Variants in RBMS3 observed in about 807,000 individuals in gnomAD.
The protein encoded by RBMS3 is RNA-binding motif, single-stranded-interacting protein 3.
In RBMS3, 27 loss-of-function variants were observed where a neutral mutation model predicts 66.8. That is an observed-to-expected ratio of 0.40 (90% CI 0.30 to 0.56). The LOEUF (loss-of-function observed/expected upper bound fraction) is 0.56, where lower values mean the gene tolerates loss of function less well. RBMS3 is among the 20% of genes least tolerant of loss of function. RBMS3 has a pLI of 0.40. For missense variants in RBMS3, 513 were observed against 549.5 expected (o/e 0.93, Z 0.66); for synonymous variants, 188 against 183.0 (o/e 1.03, Z -0.22).
At chr3:29,450,843 C>CAA (rs1195589622) in intron 2 of RBMS3, among the ~76,000 whole-genome samples, 1 of 151,588 alleles carries the variant, frequency 6.6e-6, no homozygotes, top group Admixed American at 6.6e-5. Context: ...GTTAGTTTTT[C>CAA]AAAGCAAGTA....
intron 3 of RBMS3, among the ~76,000 whole-genome samples, chr3:29,513,980 C>T (rs542128902): frequency 6.6e-6 from 1 of 152,304 alleles, no homozygotes; most frequent in African/African-American, 2.4e-5. Context: ...CTAAAGCATT[C>T]TCTGCCCTTG....
intron 3 of RBMS3, among the ~76,000 whole-genome samples, chr3:29,504,572 T>G (rs2044108638): frequency 6.7e-6 from 1 of 148,796 alleles, no homozygotes. Context: ...AGATATCTCT[T>G]TGGCATACTG....
intron 6 of RBMS3, among the ~76,000 whole-genome samples, chr3:29,858,202 AT>A (rs144297789): frequency 0.02 from 3,082 of 152,118 alleles, 109 homozygotes; most frequent in African/African-American, 0.071. Flanking sequence ...TCCTTTTTCC[AT>A]TTTTTAATTC....
At chr3:29,760,285 CTA>C (rs1491255031) in intron 5 of RBMS3, among the ~76,000 whole-genome samples, 11 of 147,754 alleles carry the variant, frequency 7.4e-5, no homozygotes, top group East Asian at 2.0e-4. Flanking sequence ...ACACACACCC[CTA>C]CACACACACA....
chr3:29,964,517 C>T (rs533681148), intron 12 of RBMS3, among the ~76,000 whole-genome samples: 61 of 152,184 alleles, frequency 4.0e-4, no homozygotes, highest in Non-Finnish European at 6.2e-4. Context: ...TCTCTTCTCC[C>T]GGGCTTTTCT....
intron 12 of RBMS3, among the ~76,000 whole-genome samples, chr3:29,972,671 A>C (rs996077978): frequency 5.3e-5 from 8 of 152,100 alleles, no homozygotes; most frequent in African/African-American, 1.9e-4. Context: ...GTTTAGTTGC[A>C]TCATTTACTT....
At chr3:29,346,490 G>A (rs771202045) in intron 1 of RBMS3, among the ~76,000 whole-genome samples, 8 of 128,984 alleles carry the variant, frequency 6.2e-5, no homozygotes, top group Non-Finnish European at 1.1e-4. Context: ...TGCAACCTCC[G>A]CCTCCCGGGT....
chr3:29,823,729 G>A (rs2058132734), intron 6 of RBMS3, among the ~76,000 whole-genome samples: 1 of 152,130 alleles, frequency 6.6e-6, no homozygotes, highest in African/African-American at 2.4e-5. Flanking sequence ...AGACAGTACA[G>A]TTCTAGCACA....
chr3:29,866,027 G>A (rs1248871812), intron 6 of RBMS3, among the ~76,000 whole-genome samples: 1 of 135,938 alleles, frequency 7.4e-6, no homozygotes, highest in Admixed American at 8.0e-5. Context: ...AATGATCTAT[G>A]TAAAATGGAA....
chr3:29,598,626 AG>A (rs2048042879), intron 4 of RBMS3, among the ~76,000 whole-genome samples: 1 of 152,052 alleles, frequency 6.6e-6, no homozygotes, highest in Non-Finnish European at 1.5e-5. Context: ...TGTCAAATAT[AG>A]GCATCTGATA....
chr3:29,747,445 GATA>G (rs2054970851), intron 5 of RBMS3, among the ~76,000 whole-genome samples: 9 of 136,324 alleles, frequency 6.6e-5, no homozygotes, highest in African/African-American at 1.4e-4. Context: ...TAGATAGATA[GATA>G]GATGTCAGGT....
At chr3:29,434,986 T>A in intron 2 of RBMS3, 71 bp downstream of exon 2, 1 of 1,470,052 alleles carries the variant, frequency 6.8e-7, no homozygotes, top group South Asian at 1.3e-5. Flanking sequence ...ATGTGTTATT[T>A]CAGTCAATGT....
intron 4 of RBMS3, among the ~76,000 whole-genome samples, chr3:29,708,743 C>A (rs887544442): frequency 2.6e-5 from 4 of 152,134 alleles, no homozygotes; most frequent in Non-Finnish European, 5.9e-5. Context: ...TCTGGTAGAT[C>A]TATTAGGAAT....
At chr3:29,740,603 G>C (rs994629484) in intron 5 of RBMS3, among the ~76,000 whole-genome samples, 17 of 152,330 alleles carry the variant, frequency 1.1e-4, no homozygotes, top group Admixed American at 7.8e-4. Flanking sequence ...AGACCACAGA[G>C]TAAAAGAAAC....
intron 4 of RBMS3, among the ~76,000 whole-genome samples, chr3:29,702,677 C>A (rs1252384307): frequency 6.6e-6 from 1 of 151,944 alleles, no homozygotes; most frequent in East Asian, 1.9e-4. Flanking sequence ...ATGAACAACT[C>A]TGGATGAGAG....
rs115511523 is a variant in RBMS3, at chr3:29,920,016, T to G, written c.940-16070T>G. Among the ~76,000 whole-genome samples the G allele has an allele frequency of 6.2e-3, 948 of 152,298 alleles. 5 individuals are homozygous for G. Among genetic ancestry groups the G allele is most frequent in the African/African-American group, 0.022 (904 of 41,560 alleles). ...AGCCAGTTGTTCCCTTATTGATCTCTCTACTTTTTTTTTAACGTACTTAGG... is the reference window on the plus strand; with the variant it reads ...AGCCAGTTGTTCCCTTATTGATCTCGCTACTTTTTTTTTAACGTACTTAGG... On this transcript the variant is annotated intron_variant, in intron 10 of 14. Transcript: ENST00000383767.
In RBMS3 at chr3:29,853,564, C is replaced by T. The variant is rs13097387; in HGVS notation, c.638-15294C>T. Among the ~76,000 whole-genome samples, 1,122 of 151,890 alleles carry T rather than the reference C, an allele frequency of 7.4e-3. 4 individuals carry two copies. The highest frequency in any genetic ancestry group is 0.012 in the Non-Finnish European group (815 of 67,962). ...TTATATCCTGATCATTGTCCCTCCC[C>T]CTGTGCTCTCAGGCGACAGATGATT... is the stretch of plus-strand genomic sequence containing the variant. On this transcript the variant is annotated intron_variant, in intron 6 of 14. Coordinates refer to ENST00000383767, the MANE Select transcript of RBMS3 (RefSeq NM_001003793.3).
intron 6 of RBMS3, among the ~76,000 whole-genome samples, chr3:29,804,179 C>T (rs2057472716): frequency 6.6e-6 from 1 of 152,002 alleles, no homozygotes; most frequent in Admixed American, 6.6e-5. Flanking sequence ...TATTTGTGTT[C>T]TTTTTCTTCA....
chr3:29,967,471 A>G (rs998938405), intron 12 of RBMS3, among the ~76,000 whole-genome samples: 1 of 151,838 alleles, frequency 6.6e-6, no homozygotes, highest in Admixed American at 6.6e-5. Flanking sequence ...AATTTTTTGT[A>G]TTTTTAGTAG....
Sources: gnomAD v4.1 joint callset for allele counts (sites outside exome capture counted in the v4.1 genomes callset) on GRCh38, gnomAD v4.1.1 for gene constraint, MANE v1.5 for transcripts, NCBI Gene and HGNC (gene_info 2026-07-23, HGNC 2026-07-21) for gene names.